Variants in AKAP6 observed in about 807,000 individuals in gnomAD.
AKAP6 encodes the protein A-kinase anchor protein 6.
A neutral mutation model predicts 188.5 loss-of-function variants in AKAP6; 58 were observed. The ratio of observed to expected loss-of-function variants is 0.31; its 90% CI spans 0.25 to 0.38. AKAP6 has a LOEUF of 0.38. AKAP6 is among the 10% of genes least tolerant of loss of function. The pLI is 1.00. For missense variants in AKAP6, 2,710 were observed against 2,740.0 expected (o/e 0.99, Z 0.24); for synonymous variants, 989 against 998.6 (o/e 0.99, Z 0.18).
chr14:32,449,793 A>T (rs1594625418), intron 2 of AKAP6, among the ~76,000 whole-genome samples: 1 of 152,212 alleles, frequency 6.6e-6, no homozygotes, highest in Non-Finnish European at 1.5e-5. Flanking sequence ...GCTGTCTTCC[A>T]GAATTTATAG....
intron 2 of AKAP6, among the ~76,000 whole-genome samples, chr14:32,528,062 A>G (rs1011606672): frequency 1.3e-5 from 2 of 149,512 alleles, no homozygotes; most frequent in African/African-American, 5.1e-5. Context: ...ATGATATCTT[A>G]TAGGATTTTA....
intron 1 of AKAP6, chr14:32,433,164 G>A (rs905471685): frequency 1.5e-5 from 4 of 266,018 alleles, no homozygotes; most frequent in Non-Finnish European, 2.9e-5. Context: ...ATTCTGTGCA[G>A]GAATATGAAC....
chr14:32,834,092 A>G lies in AKAP6; in HGVS notation c.*4287A>G, dbSNP rs7145828. Reference sequence around the variant, plus strand: ...TGCAAGTCTACAATACCATCTTCATACTCAAGAAATGTAACATTGGCTGGT... The same window carrying G: ...TGCAAGTCTACAATACCATCTTCATGCTCAAGAAATGTAACATTGGCTGGT... On this transcript the variant is annotated 3_prime_UTR_variant, in exon 14 of 14. Coordinates refer to ENST00000280979, the MANE Select transcript of AKAP6 (RefSeq NM_004274.5). 0.39 allele frequency: 58,576 copies of G among 151,916 alleles called. 12,499 individuals are homozygous for G. The highest frequency in any genetic ancestry group is 0.48 in the Non-Finnish European group (32,771 of 67,886). 9.4% of individuals were successfully genotyped at this position (151,916 alleles called of 1,614,324 possible). A position where few individuals can be genotyped will look rare whatever the true frequency, so the allele number is the denominator to read the frequency against.
At position 32,760,605 on chromosome 14, in the gene AKAP6, C is replaced by G. The variant is rs576665531; in HGVS notation, c.3373-13073C>G. Among the ~76,000 whole-genome samples the G allele has an allele frequency of 1.4e-3, 209 of 152,212 alleles. 4 individuals carry two copies. In the South Asian group the frequency reaches 0.04, roughly 29 times the overall value. On this transcript the variant is annotated intron_variant, in intron 11 of 13. Coordinates refer to ENST00000280979, the MANE Select transcript of AKAP6 (RefSeq NM_004274.5). ...AGATGGCATAAATGAAAGTACTACC[C>G]TCCCGTGTATTCAATCTTCTTTGAG...
intron 1 of AKAP6, among the ~76,000 whole-genome samples, chr14:32,359,949 A>G (rs919185703): frequency 5.9e-5 from 9 of 152,064 alleles, no homozygotes; most frequent in African/African-American, 1.7e-4. Flanking sequence ...TTCCCTTTCT[A>G]TGATCTGTCC....
intron 12 of AKAP6, among the ~76,000 whole-genome samples, chr14:32,790,062 A>T (rs2033561781): frequency 1.3e-5 from 2 of 152,224 alleles, no homozygotes; most frequent in Admixed American, 1.3e-4. Flanking sequence ...CAACATGATA[A>T]CTTCACAATG....
At chr14:32,810,462 T>A (rs2034195734) in intron 12 of AKAP6, among the ~76,000 whole-genome samples, 1 of 152,152 alleles carries the variant, frequency 6.6e-6, no homozygotes, top group African/African-American at 2.4e-5. Flanking sequence ...TTTAATTGGA[T>A]CTCAGGATCC....
chr14:32,573,482 A>G (rs1884583828), intron 4 of AKAP6, among the ~76,000 whole-genome samples: 1 of 152,164 alleles, frequency 6.6e-6, no homozygotes, highest in Non-Finnish European at 1.5e-5. Context: ...TATCCAGAAG[A>G]GTGTCCCAAC....
intron 2 of AKAP6, among the ~76,000 whole-genome samples, chr14:32,490,132 A>G (rs991937652): frequency 8.1e-6 from 1 of 123,462 alleles, no homozygotes; most frequent in Non-Finnish European, 1.6e-5. Flanking sequence ...AACAAAGTAC[A>G]TTGATCAGTT....
intron 12 of AKAP6, among the ~76,000 whole-genome samples, chr14:32,784,897 CT>C (rs2033356430): frequency 6.6e-6 from 1 of 152,002 alleles, no homozygotes; most frequent in South Asian, 2.1e-4. Context: ...TTTAGTATAT[CT>C]TGGTTAATGA....
At chr14:32,384,861 G>A (rs754397535) in intron 1 of AKAP6, among the ~76,000 whole-genome samples, 30 of 152,246 alleles carry the variant, frequency 2.0e-4, no homozygotes, top group Admixed American at 7.2e-4. Context: ...AGATTAAAAT[G>A]GGGTCTGTTA....
intron 9 of AKAP6, among the ~76,000 whole-genome samples, chr14:32,710,100 T>C (rs1157946633): frequency 2.6e-5 from 4 of 151,942 alleles, no homozygotes; most frequent in African/African-American, 9.7e-5. Flanking sequence ...ATGGATGGTT[T>C]GGAAGACGAC....
intron 1 of AKAP6, among the ~76,000 whole-genome samples, chr14:32,341,025 C>T (rs1421740253): frequency 2.0e-5 from 3 of 152,096 alleles, no homozygotes; most frequent in Non-Finnish European, 4.4e-5. Context: ...ATTTATATAC[C>T]ATTTATATTT....
At chr14:32,666,624 G>A (rs1888949083) in intron 7 of AKAP6, among the ~76,000 whole-genome samples, 2 of 151,986 alleles carry the variant, frequency 1.3e-5, no homozygotes, top group Non-Finnish European at 2.9e-5. Flanking sequence ...TCATTCTTGA[G>A]AAAGGCAGCT....
chr14:32,765,168 C>T (rs950293805), intron 11 of AKAP6, among the ~76,000 whole-genome samples: 5 of 151,868 alleles, frequency 3.3e-5, no homozygotes, highest in African/African-American at 1.2e-4. Context: ...CTCCTGACCT[C>T]GTGATCCGCC....
chr14:32,648,063 C>T (rs1382314555), intron 7 of AKAP6, among the ~76,000 whole-genome samples: 1 of 151,960 alleles, frequency 6.6e-6, no homozygotes, highest in Non-Finnish European at 1.5e-5. Flanking sequence ...TAAAGTAATG[C>T]AAAAGGAGGC....
chr14:32,766,716 G>A (rs2032730194), intron 11 of AKAP6, among the ~76,000 whole-genome samples: 1 of 152,030 alleles, frequency 6.6e-6, no homozygotes, highest in South Asian at 2.1e-4. Flanking sequence ...CTCCCATTCT[G>A]TGGTTTTTCT....
intron 3 of AKAP6, among the ~76,000 whole-genome samples, chr14:32,540,192 A>ATATATATATTTTTTTTTT (rs1406480125): frequency 8.1e-6 from 1 of 123,424 alleles, no homozygotes; most frequent in Non-Finnish European, 1.7e-5. Flanking sequence ...ATATATATAT[A>ATATATATATTTTTTTTTT]TTTTAATTTT....
At chr14:32,480,217 A>G (rs1485373805) in intron 2 of AKAP6, among the ~76,000 whole-genome samples, 1 of 152,228 alleles carries the variant, frequency 6.6e-6, no homozygotes, top group Non-Finnish European at 1.5e-5. Context: ...TCAGATATTT[A>G]GAAGAAGCAG....
Sources: allele counts gnomAD v4.1 joint callset (sites outside exome capture counted in the v4.1 genomes callset), GRCh38; gene constraint gnomAD v4.1.1; transcripts MANE v1.5; gene names NCBI Gene and HGNC (gene_info 2026-07-23, HGNC 2026-07-21).